Variants in NID1 observed in about 807,000 individuals in gnomAD.
The protein encoded by NID1 is nidogen 1, also known as nidogen-1.
Under a neutral mutation model 130.6 loss-of-function variants are expected in NID1, and 76 were observed. The ratio of observed to expected loss-of-function variants is 0.58; its 90% confidence interval spans 0.48 to 0.70. NID1 has a LOEUF of 0.70. NID1 is among the 30% of genes least tolerant of loss of function. The pLI is 0.00. For synonymous variants in NID1, 665 were observed against 675.1 expected (o/e 0.98, Z 0.23); for missense variants, 1,517 against 1,664.8 (o/e 0.91, Z 1.54).
At chr1:235,998,429 C>G (rs1312342116) in intron 12 of NID1, among the ~76,000 whole-genome samples, 1 of 152,132 alleles carries the variant, frequency 6.6e-6, no homozygotes, top group Non-Finnish European at 1.5e-5. Flanking sequence ...AATCCCAGCA[C>G]TTTGGGAGGC....
At chr1:236,038,345 G>A in intron 4 of NID1, 92 bp from the exon 5 acceptor site, 1 of 1,401,122 alleles carries the variant, frequency 7.1e-7, no homozygotes, top group Non-Finnish European at 9.8e-7. Context: ...AGCACTGCAG[G>A]GACTCACACC....
chr1:236,050,164 C>T (rs184935168), intron 1 of NID1, among the ~76,000 whole-genome samples: 1 of 152,310 alleles, frequency 6.6e-6, no homozygotes, highest in East Asian at 1.9e-4. Flanking sequence ...GATTTGAACC[C>T]ACGGAGTCCG....
Position 235,979,703 on chromosome 1 carries a change from G to T in NID1, c.3509+119C>A. On this transcript the variant is annotated intron_variant, in intron 18 of 19. Transcript: ENST00000264187. This position sits in a 1 kb window ranked among gnomAD's most constrained non-coding sequence, Gnocchi z 4.6. ...TAAGGGAGAGGGGACATCTCTAGAG[G>T]GGGCATTTCTGGAGGCTCAAAAGTC... 9.3e-7 allele frequency: 1 copy of T among 1,081,052 alleles called. No homozygotes were observed. 67.0% of individuals were successfully genotyped at this position (1,081,052 alleles called of 1,614,324 possible). A position where few individuals can be genotyped will look rare whatever the true frequency, so the allele number is the denominator to read the frequency against.
intron 16 of NID1, 21 bp from the exon 17 acceptor site, chr1:235,980,674 GA>G (rs1558419523): frequency 6.2e-7 from 1 of 1,607,920 alleles, no homozygotes. Flanking sequence ...AAAAAGGGGG[GA>G]AAGAGGAAAA....
intron 2 of NID1, among the ~76,000 whole-genome samples, chr1:236,047,950 TG>T (rs1659653384): frequency 7.7e-6 from 1 of 129,852 alleles, no homozygotes; most frequent in Non-Finnish European, 1.6e-5. Flanking sequence ...TGCTTGAACC[TG>T]GGAGGTGGAG....
chr1:236,046,674 T>C (rs1659611456), intron 2 of NID1, among the ~76,000 whole-genome samples: 1 of 151,528 alleles, frequency 6.6e-6, no homozygotes, highest in Non-Finnish European at 1.5e-5. Flanking sequence ...GCAAAGGGTA[T>C]GCGGAGGTGG....
chr1:235,982,558 C>T (rs1038191810), intron 15 of NID1, among the ~76,000 whole-genome samples: 1 of 152,002 alleles, frequency 6.6e-6, no homozygotes, highest in African/African-American at 2.4e-5. Context: ...CAAATAACAC[C>T]CCAGTCTTTA....
chr1:235,986,455 T>C (rs1366568973), intron 14 of NID1, among the ~76,000 whole-genome samples: 1 of 150,124 alleles, frequency 6.7e-6, no homozygotes, highest in Non-Finnish European at 1.5e-5. Flanking sequence ...CCAGAAAATA[T>C]ATAAGGATAA....
chr1:235,980,262 A>G lies in NID1; in HGVS notation c.3385+234T>C, dbSNP rs573035393. Among the ~76,000 whole-genome samples the G allele has an allele frequency of 9.1e-4, 139 of 152,282 alleles. 1 individual carries two copies. Among genetic ancestry groups the G allele is most frequent in the African/African-American group, 3.1e-3 (130 of 41,556 alleles). ...CTTTTTCTTAAAGCACCAGATAGTA[A>G]ATTATTTCAGGTTTTGCAGGCCAGG... is the stretch of plus-strand genomic sequence containing the variant. On this transcript the variant is annotated intron_variant, in intron 17 of 19. Transcript: ENST00000264187.
chr1:236,040,352 GAAGT>G (rs1659414587), intron 4 of NID1, among the ~76,000 whole-genome samples: 1 of 152,158 alleles, frequency 6.6e-6, no homozygotes, highest in African/African-American at 2.4e-5. Flanking sequence ...CCGTGCCTCA[GAAGT>G]AAGTCAGCAC....
intron 12 of NID1, among the ~76,000 whole-genome samples, chr1:236,010,896 T>G (rs898096346): frequency 2.0e-5 from 3 of 152,236 alleles, no homozygotes; most frequent in Non-Finnish European, 4.4e-5. Context: ...CTAGTCTTAG[T>G]GAGAGTGAAG....
At chr1:236,036,685 G>A (rs1332483192) in intron 5 of NID1, among the ~76,000 whole-genome samples, 1 of 152,186 alleles carries the variant, frequency 6.6e-6, no homozygotes, top group African/African-American at 2.4e-5. Context: ...CCTGAAGAAT[G>A]AATTAATGCA....
chr1:236,004,347 G>A (rs1344912450), intron 12 of NID1, among the ~76,000 whole-genome samples: 2 of 152,202 alleles, frequency 1.3e-5, no homozygotes, highest in African/African-American at 4.8e-5. Flanking sequence ...GACAGCAGAG[G>A]AAAGGGGCAG....
intron 13 of NID1, among the ~76,000 whole-genome samples, chr1:235,991,632 C>T (rs764599877): frequency 1.5e-4 from 23 of 151,822 alleles, no homozygotes; most frequent in African/African-American, 2.4e-4. Context: ...TGTGCCCGGC[C>T]GGCCTCCCTC....
At chr1:236,050,875 C>T (rs1260988663) in intron 1 of NID1, among the ~76,000 whole-genome samples, 3 of 152,084 alleles carry the variant, frequency 2.0e-5, no homozygotes, top group African/African-American at 4.8e-5. Context: ...GCCAGGAGTT[C>T]GAGACCAGCC....
At chr1:236,002,503 AAAACAAACAAAC>A (rs71174487) in intron 12 of NID1, among the ~76,000 whole-genome samples, 2 of 150,582 alleles carry the variant, frequency 1.3e-5, no homozygotes, top group Admixed American at 6.6e-5. Flanking sequence ...ACTCTGTCTA[AAAACAAACAAAC>A]AAACAAACAA....
intron 14 of NID1, among the ~76,000 whole-genome samples, chr1:235,988,861 G>A (rs1657643772): frequency 2.0e-5 from 3 of 152,156 alleles, no homozygotes; most frequent in African/African-American, 7.2e-5. Context: ...CAGGGGCTAG[G>A]ACATGGGTGG....
chr1:236,032,362 C>T, intron 6 of NID1, 39 bp downstream of exon 6: 1 of 1,604,114 alleles, frequency 6.2e-7, no homozygotes, highest in Non-Finnish European at 8.5e-7. Context: ...CTAGGCACTA[C>T]TGTGTGACCC....
intron 1 of NID1, among the ~76,000 whole-genome samples, chr1:236,055,775 T>C (rs1659882917): frequency 6.6e-6 from 1 of 152,224 alleles, no homozygotes; most frequent in Admixed American, 6.5e-5. Context: ...GTAGGGCCTG[T>C]GGCTCATTGT....
Sources: allele counts gnomAD v4.1 joint callset (sites outside exome capture counted in the v4.1 genomes callset), GRCh38; gene constraint gnomAD v4.1.1; non-coding constraint Gnocchi (gnomAD v3.1); transcripts MANE v1.5; gene names NCBI Gene and HGNC (gene_info 2026-07-23, HGNC 2026-07-21).